CCDC181: variants seen among roughly 807,000 people sequenced by gnomAD.
CCDC181 encodes coiled-coil domain-containing protein 181.
A neutral mutation model predicts 58.7 loss-of-function variants in CCDC181; 35 were observed. The ratio of observed to expected loss-of-function variants is 0.60; its 90% confidence interval spans 0.46 to 0.79. The LOEUF is 0.79. Among genes scored for constraint, CCDC181 ranks in the 30% least tolerant of loss-of-function variants. CCDC181 has a pLI of 0.00. For synonymous variants in CCDC181, 183 were observed against 197.5 expected, an observed-to-expected ratio of 0.93 and a Z score of 0.62; for missense variants, 517 against 583.9, an observed-to-expected ratio of 0.89 and a Z score of 1.18.
intron 4 of CCDC181, among the ~76,000 whole-genome samples, chr1:169,413,556 A>C (rs929248895): frequency 2.6e-5 from 4 of 152,254 alleles, no homozygotes; most frequent in African/African-American, 4.8e-5. Context: ...TCTACTATAA[A>C]GACACATGCA....
In CCDC181 at chr1:169,417,167, C is replaced by T. The variant is rs755474054; in HGVS notation, c.1215+1846G>A. Reference sequence around the variant, plus strand: ...CAGCTGGGTATCCTACAATTTAATCCGATTCTGATAATATATCCCTGGAGT... The same window carrying T: ...CAGCTGGGTATCCTACAATTTAATCTGATTCTGATAATATATCCCTGGAGT... On this transcript the variant is annotated intron_variant, in intron 4 of 5. Transcript: ENST00000367806. Among the ~76,000 whole-genome samples the T allele has an allele frequency of 5.3e-5, 8 of 152,190 alleles. No homozygotes were observed. The East Asian group carries it at 1.2e-3, about 22-fold the overall frequency.
intron 2 of CCDC181, among the ~76,000 whole-genome samples, chr1:169,456,937 G>T (rs927058422): frequency 6.6e-6 from 1 of 152,000 alleles, no homozygotes; most frequent in Non-Finnish European, 1.5e-5. Context: ...ATTTCTCCTG[G>T]ATAATCCATT....
intron 4 of CCDC181, among the ~76,000 whole-genome samples, chr1:169,409,043 C>T (rs758760432): frequency 2.6e-5 from 4 of 152,142 alleles, no homozygotes; most frequent in Admixed American, 1.3e-4. Context: ...ATGAGTTTGA[C>T]GAATTGACGG....
chr1:169,431,985 T>G (rs763001940), upstream of CCDC181, among the ~76,000 whole-genome samples: 13 of 151,966 alleles, frequency 8.6e-5, no homozygotes. Context: ...GCAACTACAT[T>G]TACAGAGAAA....
intron 2 of CCDC181, among the ~76,000 whole-genome samples, chr1:169,444,629 T>A (rs185162529): frequency 0.017 from 2,596 of 152,326 alleles, 42 homozygotes; most frequent in Non-Finnish European, 0.024. Flanking sequence ...GGGATTTTTT[T>A]AAATTTGAAT....
chr1:169,436,644 C>T (rs572914141), intron 2 of CCDC181, among the ~76,000 whole-genome samples: 6 of 152,314 alleles, frequency 3.9e-5, no homozygotes, highest in Non-Finnish European at 7.3e-5. Flanking sequence ...ATTGCAATAT[C>T]GTACAATCAT....
chr1:169,439,786 G>A (rs56835811), intron 2 of CCDC181, among the ~76,000 whole-genome samples: 1 of 152,118 alleles, frequency 6.6e-6, no homozygotes, highest in Non-Finnish European at 1.5e-5. Flanking sequence ...AGTGATGGAG[G>A]TGGTTCTCAG....
At chr1:169,433,343 G>A (rs1656969241) in intron 2 of CCDC181, among the ~76,000 whole-genome samples, 1 of 151,898 alleles carries the variant, frequency 6.6e-6, no homozygotes, top group Non-Finnish European at 1.5e-5. Context: ...TGGATTGGAG[G>A]ACAATATTAT....
intron 4 of CCDC181, among the ~76,000 whole-genome samples, chr1:169,412,378 C>A (rs1324575602): frequency 1.3e-5 from 2 of 152,160 alleles, no homozygotes; most frequent in East Asian, 3.9e-4. Flanking sequence ...TAAGAGATGA[C>A]ACAAACAAAT....
At chr1:169,415,081 G>C (rs1327524926) in intron 4 of CCDC181, among the ~76,000 whole-genome samples, 2 of 152,010 alleles carry the variant, frequency 1.3e-5, no homozygotes, top group Non-Finnish European at 2.9e-5. Flanking sequence ...TGTTTTCTGA[G>C]AATACAATCC....
At chr1:169,420,477 A>G (rs12092952) in intron 3 of CCDC181, among the ~76,000 whole-genome samples, 6,358 of 151,682 alleles carry the variant, frequency 0.042, 198 homozygotes, top group East Asian at 0.12. Flanking sequence ...TATAAAGTAG[A>G]TAACACACCA....
At chr1:169,414,071 G>A (rs1490198221) in intron 4 of CCDC181, among the ~76,000 whole-genome samples, 1 of 151,972 alleles carries the variant, frequency 6.6e-6, no homozygotes, top group Non-Finnish European at 1.5e-5. Context: ...GTGGACTGCT[G>A]GACTGGAAGA....
At chr1:169,438,956 C>T (rs1271061016) in intron 2 of CCDC181, among the ~76,000 whole-genome samples, 1 of 152,204 alleles carries the variant, frequency 6.6e-6, no homozygotes, top group East Asian at 1.9e-4. Context: ...AACTATCCTC[C>T]TATTCTCCAT....
chr1:169,439,798 G>A (rs1657160263), intron 2 of CCDC181, among the ~76,000 whole-genome samples: 1 of 152,070 alleles, frequency 6.6e-6, no homozygotes, highest in African/African-American at 2.4e-5. Flanking sequence ...GGTTCTCAGA[G>A]GGATAGGTGG....
At chr1:169,446,301 G>C (rs948591048) in intron 2 of CCDC181, among the ~76,000 whole-genome samples, 1 of 151,964 alleles carries the variant, frequency 6.6e-6, no homozygotes, top group African/African-American at 2.4e-5. Context: ...AAAATTAGCT[G>C]GGCATGGTGG....
intron 2 of CCDC181, among the ~76,000 whole-genome samples, chr1:169,453,090 AAAG>A (rs1657587815): frequency 6.6e-6 from 1 of 152,074 alleles, no homozygotes. Context: ...GACAAAAAAA[AAAG>A]AAACGCTATG....
upstream of CCDC181, among the ~76,000 whole-genome samples, chr1:169,432,279 A>G (rs564439728): frequency 2.0e-5 from 3 of 152,180 alleles, no homozygotes; most frequent in Admixed American, 2.0e-4. Flanking sequence ...AGATAAGACA[A>G]TTGAAATTGT....
chr1:169,450,644 T>C (rs1449737265), intron 2 of CCDC181, among the ~76,000 whole-genome samples: 1 of 152,212 alleles, frequency 6.6e-6, no homozygotes, highest in Non-Finnish European at 1.5e-5. Context: ...TGTCAACCTA[T>C]GTGTTTATTT....
intron 4 of CCDC181, among the ~76,000 whole-genome samples, chr1:169,407,965 C>A (rs1207041455): frequency 6.6e-6 from 1 of 152,194 alleles, no homozygotes; most frequent in African/African-American, 2.4e-5. Context: ...AATGCCTACA[C>A]CACCAGGGCC....
Sources: allele counts gnomAD v4.1 joint callset (sites outside exome capture counted in the v4.1 genomes callset), GRCh38; gene constraint gnomAD v4.1.1; transcripts MANE v1.5; gene names NCBI Gene and HGNC (gene_info 2026-07-23, HGNC 2026-07-21).